Variants in CENPP observed in about 807,000 individuals in gnomAD.
The protein encoded by CENPP is centromere protein P.
CENPP carries 24 observed loss-of-function variants against 35.6 expected under a neutral mutation model. That is an observed-to-expected ratio of 0.67 (90% CI 0.49 to 0.95). CENPP has a LOEUF of 0.95. Among genes scored for constraint, CENPP ranks in the 40% least tolerant of loss-of-function variants. CENPP has a pLI of 0.00. For synonymous variants in CENPP, 120 were observed against 125.5 expected (o/e 0.96, Z 0.29); for missense variants, 332 against 345.3 (o/e 0.96, Z 0.31).
chr9:92,515,205 T>C, intron 5 of CENPP: 1 of 1,551,956 alleles, frequency 6.4e-7, no homozygotes, highest in South Asian at 1.3e-5. Context: ...AATAGGAGAC[T>C]AATGACCACG....
Position 92,615,728 on chromosome 9 carries a change from A to T in CENPP, c.*2579A>T, listed in dbSNP as rs1851408481. 1 of 954,166 alleles carries T rather than the reference A, an allele frequency of 1.0e-6. No individual in the cohort carries two copies. Among genetic ancestry groups the T allele is most frequent in the African/African-American group, 1.6e-5 (1 of 61,612 alleles). 59.1% of individuals were successfully genotyped at this position (954,166 alleles called of 1,614,324 possible). A position where few individuals can be genotyped will look rare whatever the true frequency, so the allele number is the denominator to read the frequency against. On this transcript the variant is annotated 3_prime_UTR_variant, in exon 8 of 8. Coordinates refer to ENST00000375587, the MANE Select transcript of CENPP (RefSeq NM_001012267.3). ...CAATCCCACCTCAAAAGGGGTTAAA[A>T]GCAAAAACATTCACAACCAAAGGTC...
At chr9:92,480,018 C>G (rs1249238694) in intron 5 of CENPP, among the ~76,000 whole-genome samples, 1 of 152,100 alleles carries the variant, frequency 6.6e-6, no homozygotes, top group African/African-American at 2.4e-5. Flanking sequence ...AATGATATGA[C>G]TTTTGGCTGT....
At chr9:92,603,216 T>C (rs775540992) in intron 5 of CENPP, among the ~76,000 whole-genome samples, 31 of 152,226 alleles carry the variant, frequency 2.0e-4, no homozygotes, top group Admixed American at 2.0e-3. Context: ...GGCAGGGCAG[T>C]TGTGCAGGCC....
intron 5 of CENPP, among the ~76,000 whole-genome samples, chr9:92,512,500 A>G (rs1179605907): frequency 6.6e-6 from 1 of 152,188 alleles, no homozygotes; most frequent in Non-Finnish European, 1.5e-5. Context: ...ATTTTCCCAT[A>G]GCCATTTTCC....
intron 5 of CENPP, among the ~76,000 whole-genome samples, chr9:92,591,210 G>T (rs1850655854): frequency 6.6e-6 from 1 of 151,956 alleles, no homozygotes; most frequent in African/African-American, 2.4e-5. Context: ...ACGAGGTCAG[G>T]AGATCAAGAC....
At chr9:92,577,899 C>T (rs539880962) in intron 5 of CENPP, among the ~76,000 whole-genome samples, 22 of 151,190 alleles carry the variant, frequency 1.5e-4, no homozygotes, top group Middle Eastern at 3.4e-3. Context: ...ACTGCACCCA[C>T]TAACTCATCA....
At chr9:92,580,196 C>T (rs1267674453) in intron 5 of CENPP, among the ~76,000 whole-genome samples, 5 of 152,166 alleles carry the variant, frequency 3.3e-5, no homozygotes, top group East Asian at 1.9e-4. Context: ...CTGCTGGATT[C>T]GGTTTGCCAG....
At chr9:92,528,520 G>T (rs1848550742) in intron 5 of CENPP, among the ~76,000 whole-genome samples, 1 of 150,414 alleles carries the variant, frequency 6.6e-6, no homozygotes, top group Admixed American at 6.6e-5. Flanking sequence ...ACTGGGAAAA[G>T]AACTAACCTA....
rs191738373 is a variant in CENPP, at chr9:92,496,283, A to G, written c.565-115031A>G. 11 of 1,548,624 alleles carry G rather than the reference A, an allele frequency of 7.1e-6. No homozygotes were observed. In the African/African-American group the frequency reaches 1.5e-4, roughly 22 times the overall value. On this transcript the variant is annotated intron_variant, in intron 5 of 7. Coordinates refer to ENST00000375587, the MANE Select transcript of CENPP (RefSeq NM_001012267.3). ...ATGCAGCTACTACAAATACATGAGT[A>G]AAGTTTATAAACAGCAAAGGAAAAC...
chr9:92,443,646 G>C (rs7873397), intron 5 of CENPP, among the ~76,000 whole-genome samples: 55,275 of 151,372 alleles, frequency 0.37, 12,346 homozygotes, highest in African/African-American at 0.63. Flanking sequence ...AGAGGACTTA[G>C]TATGTTACAA....
chr9:92,510,203 G>A (rs1847251548), intron 5 of CENPP, among the ~76,000 whole-genome samples: 1 of 152,172 alleles, frequency 6.6e-6, no homozygotes, highest in Non-Finnish European at 1.5e-5. Context: ...GGTTGATATT[G>A]ATCCTGGTAA....
At chr9:92,600,934 T>G (rs1850897214) in intron 5 of CENPP, among the ~76,000 whole-genome samples, 1 of 152,236 alleles carries the variant, frequency 6.6e-6, no homozygotes, top group African/African-American at 2.4e-5. Context: ...GACTGATCTC[T>G]GACTTCCGTC....
chr9:92,495,758 T>G lies in CENPP; in HGVS notation c.565-115556T>G, dbSNP rs533184193. The G allele has an allele frequency of 1.5e-5, 14 of 939,976 alleles. No homozygotes were observed. The African/African-American group carries it at 2.5e-4, about 17-fold the overall frequency. 58.2% of individuals were successfully genotyped at this position (939,976 alleles called of 1,614,324 possible). A position where few individuals can be genotyped will look rare whatever the true frequency, so the allele number is the denominator to read the frequency against. On this transcript the variant is annotated intron_variant, in intron 5 of 7. Coordinates refer to ENST00000375587, the MANE Select transcript of CENPP (RefSeq NM_001012267.3). Reference sequence around the variant, plus strand: ...AATTAACATTACAGTAGTGTTTTAATTTTACACATGTAATTAATGGAAGAA... The same window carrying G: ...AATTAACATTACAGTAGTGTTTTAAGTTTACACATGTAATTAATGGAAGAA...
At chr9:92,608,275 T>C (rs141282951) in intron 5 of CENPP, among the ~76,000 whole-genome samples, 1 of 152,312 alleles carries the variant, frequency 6.6e-6, no homozygotes, top group Non-Finnish European at 1.5e-5. Flanking sequence ...TTGGCCTCGA[T>C]TTTAAATGTG....
In CENPP at chr9:92,530,135, G is replaced by C. The variant is rs189345340; in HGVS notation, c.565-81179G>C. On this transcript the variant is annotated intron_variant, in intron 5 of 7. Transcript: ENST00000375587. ...TATATAAGGAACTTGAGCAGCCTCA[G>C]ATTTTGGTGTCCTTGAGGGATCCTG... Among the ~76,000 whole-genome samples the C allele has an allele frequency of 1.6e-4, 25 of 152,290 alleles. No individual in the cohort carries two copies. The East Asian group carries it at 4.4e-3, about 27-fold the overall frequency.
intron 5 of CENPP, among the ~76,000 whole-genome samples, chr9:92,533,197 A>G (rs10123738): frequency 0.46 from 68,346 of 147,342 alleles, 18,146 homozygotes; most frequent in African/African-American, 0.72. Context: ...ATACTCAGGA[A>G]GCTGAGGCAG....
chr9:92,431,262 A>C (rs537879831), intron 5 of CENPP, among the ~76,000 whole-genome samples: 20 of 152,304 alleles, frequency 1.3e-4, no homozygotes, highest in Non-Finnish European at 2.5e-4. Context: ...GTTTCCATAC[A>C]CTAGATTTCT....
At chr9:92,403,198 A>G (rs374181608) in intron 5 of CENPP, 71 of 1,418,958 alleles carry the variant, frequency 5.0e-5, no homozygotes, top group Non-Finnish European at 6.4e-5. Context: ...AATGGGCAGT[A>G]TTTTAGAAGC....
intron 5 of CENPP, among the ~76,000 whole-genome samples, chr9:92,479,079 C>T (rs901221441): frequency 3.3e-5 from 5 of 151,980 alleles, no homozygotes; most frequent in East Asian, 1.9e-4. Flanking sequence ...AGCTGAGGTT[C>T]GAGATGAGGA....
Sources: allele counts gnomAD v4.1 joint callset (sites outside exome capture counted in the v4.1 genomes callset), GRCh38; gene constraint gnomAD v4.1.1; transcripts MANE v1.5; gene names NCBI Gene and HGNC (gene_info 2026-07-23, HGNC 2026-07-21).